Variants in SH2D1A observed in about 807,000 individuals in gnomAD.
SH2D1A encodes the protein SH2 domain containing 1A, also known as SH2 domain-containing protein 1A.
Under a neutral mutation model 10.1 loss-of-function variants are expected in SH2D1A, and 6 were observed. That is an observed-to-expected ratio of 0.60 (90% CI 0.33 to 1.18). SH2D1A has a LOEUF of 1.18. SH2D1A is among the 50% of genes most tolerant of loss of function. SH2D1A has a pLI of 0.04. For synonymous variants in SH2D1A, 42 were observed against 36.9 expected (o/e 1.14, Z -0.51); for missense variants, 51 against 97.6 (o/e 0.52, Z 2.01).
chrX:124,354,305 G>A (rs192917940), intron 1 of SH2D1A, among the ~76,000 whole-genome samples: 1 of 111,193 alleles, frequency 9.0e-6, no homozygotes, highest in Admixed American at 9.6e-5. Context: ...GGGAGTCTGG[G>A]TTGATCTCTT....
chrX:124,361,106 A>C, intron 1 of SH2D1A, among the ~76,000 whole-genome samples: 1 of 111,709 alleles, frequency 9.0e-6, no homozygotes, highest in Non-Finnish European at 1.9e-5. Flanking sequence ...ACACGTTTAA[A>C]CCCTTACCTC....
At chrX:124,347,265 T>C (rs933278489) in intron 1 of SH2D1A, among the ~76,000 whole-genome samples, 4 of 109,997 alleles carry the variant, frequency 3.6e-5, no homozygotes, top group African/African-American at 1.3e-4. Context: ...GCAATGCCAG[T>C]TAGGTCGAGA....
intron 1 of SH2D1A, 115 bp from the exon 2 acceptor site, chrX:124,365,646 C>T (rs1466409430): frequency 1.8e-6 from 1 of 542,380 alleles, no homozygotes; most frequent in Non-Finnish European, 3.3e-6. Context: ...AATGCAATGA[C>T]ACCATATACG....
intron 1 of SH2D1A, among the ~76,000 whole-genome samples, chrX:124,365,264 T>G (rs1344216665): frequency 9.1e-6 from 1 of 110,456 alleles, no homozygotes; most frequent in Non-Finnish European, 1.9e-5. Context: ...TATAGTTATA[T>G]TCAATTTATA....
intron 1 of SH2D1A, among the ~76,000 whole-genome samples, chrX:124,352,684 A>G (rs1019596758): frequency 9.0e-6 from 1 of 111,254 alleles, no homozygotes; most frequent in Admixed American, 9.6e-5. Flanking sequence ...CTGTTGCTGG[A>G]CTCTTCTATA....
intron 1 of SH2D1A, among the ~76,000 whole-genome samples, chrX:124,360,182 A>C (rs1336611928): frequency 1.8e-5 from 2 of 111,343 alleles, no homozygotes; most frequent in African/African-American, 6.5e-5. Flanking sequence ...CTGGGATTAC[A>C]GGCGTGAGCC....
chrX:124,360,600 T>TA (rs57948305), intron 1 of SH2D1A, among the ~76,000 whole-genome samples: 13,389 of 30,709 alleles, frequency 0.44, 3,800 homozygotes, highest in African/African-American at 0.58. Context: ...AAGACACCAT[T>TA]AAAAAAAAAA....
Position 124,365,770 on chromosome X carries a change from T to C in SH2D1A, c.147T>C (p.Gly49=). Residue 49 remains glycine, a synonymous_variant, in exon 2 of 4, where the codon GGT becomes GGC. Transcript: ENST00000371139. The stretch of plus-strand genomic sequence containing the variant: ...GTTTATTCTTTCACAGGTATCACGG[T>C]TACATTTATACATACCGAGTGTCCC... ...GVYCLCVLYH[G]YIYTYRVSQT... 1 of 1,159,177 alleles carries C rather than the reference T, an allele frequency of 8.6e-7. No homozygotes were observed. Among genetic ancestry groups the C allele is most frequent in the Non-Finnish European group, 1.2e-6 (1 of 847,579 alleles).
At chrX:124,350,119 G>A (rs1243015852) in intron 1 of SH2D1A, among the ~76,000 whole-genome samples, 9 of 78,696 alleles carry the variant, frequency 1.1e-4, no homozygotes, top group African/African-American at 3.9e-4. Context: ...TTTTGTATGC[G>A]TCAAAAAAAG....
chrX:124,361,394 G>C (rs189853187), intron 1 of SH2D1A, among the ~76,000 whole-genome samples: 146 of 112,212 alleles, frequency 1.3e-3, no homozygotes, highest in African/African-American at 4.6e-3. Context: ...AAGCCACCCT[G>C]TCTATGGTAT....
At chrX:124,350,702 ATAATATAT>A (rs372814939) in intron 1 of SH2D1A, among the ~76,000 whole-genome samples, 10 of 17,344 alleles carry the variant, frequency 5.8e-4, no homozygotes, top group African/African-American at 1.1e-3. Context: ...TGTATATAAG[ATAATATAT>A]TATATATTGT....
chrX:124,364,953 A>G (rs1240782286), intron 1 of SH2D1A, among the ~76,000 whole-genome samples: 1 of 110,713 alleles, frequency 9.0e-6, no homozygotes, highest in African/African-American at 3.3e-5. Context: ...CTTTTATACT[A>G]TATTTTACTG....
At chrX:124,353,454 G>C (rs1457876113) in intron 1 of SH2D1A, among the ~76,000 whole-genome samples, 1 of 110,814 alleles carries the variant, frequency 9.0e-6, no homozygotes, top group Non-Finnish European at 1.9e-5. Flanking sequence ...TATTTATCCA[G>C]TGTACTGAAT....
At chrX:124,357,662 GATA>G (rs1442415151) in intron 1 of SH2D1A, among the ~76,000 whole-genome samples, 22 of 111,422 alleles carry the variant, frequency 2.0e-4, no homozygotes, top group Non-Finnish European at 5.7e-5. Context: ...TCTTGTTTTT[GATA>G]ATAACCATCC....
At chrX:124,364,558 G>A (rs1037197669) in intron 1 of SH2D1A, 2 of 175,615 alleles carry the variant, frequency 1.1e-5, no homozygotes, top group African/African-American at 6.4e-5. Flanking sequence ...AGGCTGGAGT[G>A]CAGTGGCGTG....
Position 124,365,754 on chromosome X carries a change from T to G in SH2D1A, c.138-7T>G. 8.9e-7 allele frequency: 1 copy of G among 1,127,066 alleles called. No individual in the cohort carries two copies. The highest frequency in any genetic ancestry group is 1.2e-6 in the Non-Finnish European group (1 of 818,397). 92.9% of individuals were successfully genotyped at this position (1,127,066 alleles called of 1,213,427 possible). A position where few individuals can be genotyped will look rare whatever the true frequency, so the allele number is the denominator to read the frequency against. On this transcript the variant is annotated splice_polypyrimidine_tract_variant and splice_region_variant and intron_variant, in intron 1 of 3. Transcript: ENST00000371139. ...TCTTTCAGTAATGGAAGTTTATTCT[T>G]TCACAGGTATCACGGTTACATTTAT...
rs1407094750 is a variant in SH2D1A at position 124,372,856 on chromosome X, T to A, written c.*1465T>A. The A allele has an allele frequency of 6.3e-6, 1 of 159,364 alleles. No individual in the cohort carries two copies. Among genetic ancestry groups the A allele is most frequent in the Non-Finnish European group, 1.2e-5 (1 of 82,045 alleles). 13.1% of individuals were successfully genotyped at this position (159,364 alleles called of 1,213,427 possible). A position where few individuals can be genotyped will look rare whatever the true frequency, so the allele number is the denominator to read the frequency against. On this transcript the variant is annotated 3_prime_UTR_variant, in exon 4 of 4. Coordinates refer to ENST00000371139, the MANE Select transcript of SH2D1A (RefSeq NM_002351.5). ...CAAAAGTGGAGTGTGGCCTGAGTAA[T>A]GCATTATGGGTGGTTTACCATTTCT...
At chrX:124,357,120 A>G (rs966105717) in intron 1 of SH2D1A, among the ~76,000 whole-genome samples, 1 of 110,727 alleles carries the variant, frequency 9.0e-6, no homozygotes, top group Admixed American at 9.6e-5. Context: ...CTTTGACCCA[A>G]ATTTCCCAAT....
At chrX:124,356,812 A>G (rs915392037) in intron 1 of SH2D1A, among the ~76,000 whole-genome samples, 3 of 111,947 alleles carry the variant, frequency 2.7e-5, no homozygotes, top group Non-Finnish European at 5.6e-5. Flanking sequence ...ATTTTGAACC[A>G]TTGTTTCTGC....
Sources: allele counts gnomAD v4.1 joint callset (sites outside exome capture counted in the v4.1 genomes callset), GRCh38; gene constraint gnomAD v4.1.1; transcripts MANE v1.5; gene names NCBI Gene and HGNC (gene_info 2026-07-23, HGNC 2026-07-21).